Variants in RIT2 observed in about 807,000 individuals in gnomAD.
RIT2 encodes the protein GTP-binding protein Rit2.
In RIT2, 24 loss-of-function variants were observed where a neutral mutation model predicts 23.7. The ratio of observed to expected loss-of-function variants is 1.01; its 90% CI spans 0.73 to 1.43. RIT2 has a LOEUF of 1.43. Ranked by LOEUF, RIT2 falls within the 40% of genes most tolerant of loss-of-function variation. The pLI is 0.00. For missense variants in RIT2, 236 were observed against 266.9 expected (o/e 0.88, Z 0.81); for synonymous variants, 107 against 91.1 (o/e 1.17, Z -0.99).
chr18:42,958,502 T>C (rs72893355), intron 3 of RIT2, among the ~76,000 whole-genome samples: 7,158 of 152,118 alleles, frequency 0.047, 204 homozygotes, highest in Middle Eastern at 0.13. Context: ...TAATGGGACA[T>C]AAACTAGGGG....
intron 4 of RIT2, among the ~76,000 whole-genome samples, chr18:42,842,445 A>G (rs983078385): frequency 6.6e-6 from 1 of 152,184 alleles, no homozygotes; most frequent in African/African-American, 2.4e-5. Context: ...TATTGAATAT[A>G]ATAAGTATAT....
At chr18:42,851,353 A>G (rs977659213) in intron 4 of RIT2, among the ~76,000 whole-genome samples, 2 of 152,216 alleles carry the variant, frequency 1.3e-5, no homozygotes, top group Admixed American at 6.5e-5. Flanking sequence ...ATTGTTTTAG[A>G]ATCAATTACT....
At chr18:42,888,528 T>A (rs1908087800) in intron 4 of RIT2, among the ~76,000 whole-genome samples, 1 of 151,966 alleles carries the variant, frequency 6.6e-6, no homozygotes, top group Non-Finnish European at 1.5e-5. Context: ...TGTTTTTTTT[T>A]TATTTTTTTT....
At chr18:42,980,374 A>G (rs957638999) in intron 2 of RIT2, among the ~76,000 whole-genome samples, 9 of 152,074 alleles carry the variant, frequency 5.9e-5, no homozygotes, top group African/African-American at 2.2e-4. Flanking sequence ...TTACACAGCA[A>G]TTGAAATCTT....
intron 2 of RIT2, among the ~76,000 whole-genome samples, chr18:43,024,342 C>T (rs1189599198): frequency 6.6e-6 from 1 of 152,034 alleles, no homozygotes; most frequent in Non-Finnish European, 1.5e-5. Flanking sequence ...GCTGAAAAAA[C>T]TGGATTGTCA....
chr18:43,113,099 T>C (rs536017722), intron 1 of RIT2, among the ~76,000 whole-genome samples: 1 of 152,164 alleles, frequency 6.6e-6, no homozygotes, highest in Non-Finnish European at 1.5e-5. Flanking sequence ...AAACCATGTA[T>C]ATTTTTAGCT....
intron 4 of RIT2, among the ~76,000 whole-genome samples, chr18:42,791,889 G>A (rs540239211): frequency 6.6e-6 from 1 of 152,080 alleles, no homozygotes; most frequent in South Asian, 2.1e-4. Context: ...GCCTTCTACT[G>A]GTCTCAGTAA....
chr18:43,087,527 T>G (rs1049419503), intron 1 of RIT2, among the ~76,000 whole-genome samples: 6 of 152,186 alleles, frequency 3.9e-5, no homozygotes, highest in Non-Finnish European at 7.3e-5. Context: ...GTTACCTTAC[T>G]CAGTCTTACC....
intron 3 of RIT2, chr18:42,948,947 A>G (rs1312214563): frequency 1.0e-5 from 4 of 397,312 alleles, no homozygotes; most frequent in Admixed American, 8.8e-5. Context: ...TCTCAGAGCA[A>G]CTCTGCTCTT....
intron 2 of RIT2, among the ~76,000 whole-genome samples, chr18:42,974,771 C>T (rs1030583469): frequency 8.6e-5 from 13 of 151,764 alleles, no homozygotes; most frequent in Non-Finnish European, 1.3e-4. Flanking sequence ...CTAATAATAA[C>T]GTGAAGAGAA....
chr18:43,003,464 A>C (rs1911153813), intron 2 of RIT2, among the ~76,000 whole-genome samples: 1 of 151,914 alleles, frequency 6.6e-6, no homozygotes, highest in Admixed American at 6.6e-5. Flanking sequence ...ATCCCTTCAG[A>C]AGAAAGCCTC....
chr18:43,004,341 T>C (rs979612799), intron 2 of RIT2, among the ~76,000 whole-genome samples: 2 of 151,846 alleles, frequency 1.3e-5, no homozygotes, highest in African/African-American at 4.8e-5. Context: ...TTAGAGTGAG[T>C]TTAGCTCATT....
chr18:42,844,309 G>A (rs1281051036), intron 4 of RIT2, among the ~76,000 whole-genome samples: 2 of 152,200 alleles, frequency 1.3e-5, no homozygotes, highest in Non-Finnish European at 2.9e-5. Context: ...CCCTCCACTG[G>A]TGAGGGCAAA....
chr18:42,815,301 C>T (rs1265121098), intron 4 of RIT2, among the ~76,000 whole-genome samples: 1 of 152,160 alleles, frequency 6.6e-6, no homozygotes, highest in Non-Finnish European at 1.5e-5. Context: ...AAACAATGGA[C>T]ACACTTACAG....
intron 3 of RIT2, among the ~76,000 whole-genome samples, chr18:42,951,263 T>C (rs1275317853): frequency 1.3e-5 from 2 of 152,020 alleles, no homozygotes; most frequent in African/African-American, 2.4e-5. Flanking sequence ...ATAAATGAAA[T>C]CATGTCCTTT....
intron 4 of RIT2, among the ~76,000 whole-genome samples, chr18:42,744,332 A>G (rs766738907): frequency 1.1e-4 from 17 of 152,208 alleles, no homozygotes; most frequent in Non-Finnish European, 1.6e-4. Flanking sequence ...TTAAAAATAT[A>G]TAGCAATGTG....
At position 42,756,861 on chromosome 18, in the gene RIT2, A is replaced by G. The variant is rs146207735; in HGVS notation, c.427-13141T>C. ...ACCAAAAAATTTTATTATTTAATCT[A>G]TTCTGTTAACAAATTTATATTAGGT... is the stretch of plus-strand genomic sequence containing the variant. On this transcript the variant is annotated intron_variant, in intron 4 of 4. Coordinates refer to ENST00000326695, the MANE Select transcript of RIT2 (RefSeq NM_002930.4). Among the ~76,000 whole-genome samples the G allele has an allele frequency of 3.9e-3, 582 of 147,968 alleles. 5 individuals carry two copies. The highest frequency in any genetic ancestry group is 0.014 in the African/African-American group (564 of 40,098).
At chr18:42,842,450 G>A (rs548489010) in intron 4 of RIT2, among the ~76,000 whole-genome samples, 21 of 152,110 alleles carry the variant, frequency 1.4e-4, no homozygotes, top group African/African-American at 5.1e-4. Context: ...AATATAATAA[G>A]TATATTCAAT....
chr18:42,844,002 TA>T (rs1404528587), intron 4 of RIT2, among the ~76,000 whole-genome samples: 4 of 152,180 alleles, frequency 2.6e-5, no homozygotes, highest in Non-Finnish European at 4.4e-5. Flanking sequence ...AATTGATAAT[TA>T]AAGTGATGCA....
Sources: gnomAD v4.1 joint callset for allele counts (sites outside exome capture counted in the v4.1 genomes callset) on GRCh38, gnomAD v4.1.1 for gene constraint, MANE v1.5 for transcripts, NCBI Gene and HGNC (gene_info 2026-07-23, HGNC 2026-07-21) for gene names.